The following DLG2 variants were observed in gnomAD, a reference collection of about 807,000 sequenced individuals.
DLG2 encodes the protein disks large homolog 2.
In DLG2, 45 loss-of-function variants were observed where a neutral mutation model predicts 132.5. The observed-to-expected ratio is 0.34, with a 90% CI of 0.27 to 0.44. DLG2 has a LOEUF of 0.44. Among genes scored for constraint, DLG2 ranks in the 20% least tolerant of loss-of-function variants. The pLI is 1.00. For missense variants in DLG2, 1,045 were observed against 1,196.9 expected, an observed-to-expected ratio of 0.87 and a Z score of 1.87; for synonymous variants, 424 against 419.6, an observed-to-expected ratio of 1.01 and a Z score of -0.13.
At chr11:84,325,151 T>C (rs1196640566) in intron 7 of DLG2, among the ~76,000 whole-genome samples, 1 of 152,168 alleles carries the variant, frequency 6.6e-6, no homozygotes, top group Admixed American at 6.6e-5. Context: ...TTAGGACTTT[T>C]CATATCTGAT....
chr11:84,015,065 A>G (rs1409678485), intron 11 of DLG2, among the ~76,000 whole-genome samples: 2 of 152,162 alleles, frequency 1.3e-5, no homozygotes, highest in African/African-American at 4.8e-5. Flanking sequence ...TTTGTAGAAT[A>G]GCATTCATTA....
At chr11:84,660,362 C>T (rs527602411) in intron 6 of DLG2, among the ~76,000 whole-genome samples, 13 of 152,154 alleles carry the variant, frequency 8.5e-5, no homozygotes, top group East Asian at 1.9e-4. Context: ...TTGACAATTC[C>T]GATATTTCAC....
At chr11:84,024,275 C>T (rs749425575) in intron 11 of DLG2, among the ~76,000 whole-genome samples, 12 of 152,164 alleles carry the variant, frequency 7.9e-5, no homozygotes, top group Non-Finnish European at 1.8e-4. Flanking sequence ...AAACACACAT[C>T]TAACTAAAGG....
chr11:84,675,467 T>G (rs937048711), intron 6 of DLG2, among the ~76,000 whole-genome samples: 2 of 152,062 alleles, frequency 1.3e-5, no homozygotes, highest in Non-Finnish European at 2.9e-5. Flanking sequence ...GTATAAAATT[T>G]CACAAGTGGA....
chr11:84,600,244 C>A (rs59069812), intron 6 of DLG2, among the ~76,000 whole-genome samples: 5 of 99,664 alleles, frequency 5.0e-5, no homozygotes, highest in African/African-American at 8.6e-5. Context: ...GACAGAAAAG[C>A]AAGCAAGCAA....
intron 4 of DLG2, among the ~76,000 whole-genome samples, chr11:85,195,523 G>GTTTTTT (rs34574453): frequency 7.5e-6 from 1 of 133,708 alleles, no homozygotes; most frequent in Non-Finnish European, 1.6e-5. Context: ...AAGTGACAGT[G>GTTTTTT]TTTTTTTTTT....
At chr11:84,551,795 G>T (rs1034665447) in intron 6 of DLG2, among the ~76,000 whole-genome samples, 8 of 152,098 alleles carry the variant, frequency 5.3e-5, no homozygotes, top group Non-Finnish European at 8.8e-5. Context: ...AAAAGCTAAG[G>T]TCTGTAAGCT....
In DLG2 at chr11:83,591,846, T is replaced by C. The variant is rs1458571617; in HGVS notation, c.1940+41365A>G. 9.2e-3 allele frequency among the ~76,000 whole-genome samples: 1,365 copies of C among 148,544 alleles called. 8 individuals carry two copies. Among genetic ancestry groups the C allele is most frequent in the African/African-American group, 0.032 (1,281 of 39,782 alleles). Reference sequence around the variant, plus strand: ...AATCACAAGCATTCTTATACACCAATAACAGACAAACAGAGAGCCAAATCA... The same window carrying C: ...AATCACAAGCATTCTTATACACCAACAACAGACAAACAGAGAGCCAAATCA... On this transcript the variant is annotated intron_variant, in intron 19 of 27. Transcript: ENST00000376104.
intron 4 of DLG2, among the ~76,000 whole-genome samples, chr11:85,170,095 CCAT>C (rs2078734578): frequency 6.6e-6 from 1 of 152,028 alleles, no homozygotes; most frequent in African/African-American, 2.4e-5. Context: ...TGGCAGCGAG[CCAT>C]CATAAGGAAA....
At chr11:84,994,047 G>T (rs2057397140) in intron 6 of DLG2, among the ~76,000 whole-genome samples, 1 of 152,024 alleles carries the variant, frequency 6.6e-6, no homozygotes, top group Non-Finnish European at 1.5e-5. Flanking sequence ...ATTAGAAAAA[G>T]AAATTAAAAA....
At chr11:83,814,207 C>T (rs1429283245) in intron 17 of DLG2, among the ~76,000 whole-genome samples, 1 of 152,098 alleles carries the variant, frequency 6.6e-6, no homozygotes, top group African/African-American at 2.4e-5. Flanking sequence ...AAGGCAAGTA[C>T]TGGCACATCA....
chr11:85,627,598 T>C (rs946382623), upstream of DLG2: 3 of 152,244 alleles, frequency 2.0e-5, no homozygotes, highest in Non-Finnish European at 4.4e-5. Context: ...GCATAAGCTA[T>C]GTAAACGGTC....
intron 15 of DLG2, among the ~76,000 whole-genome samples, chr11:83,924,835 G>C (rs970859217): frequency 1.3e-5 from 2 of 152,110 alleles, no homozygotes; most frequent in South Asian, 4.1e-4. Context: ...TATAAATGTG[G>C]ATTCTCTGAG....
chr11:83,910,695 T>TA (rs2075881975), intron 15 of DLG2, among the ~76,000 whole-genome samples: 2 of 152,122 alleles, frequency 1.3e-5, no homozygotes, highest in African/African-American at 2.4e-5. Flanking sequence ...TTTAAAAACT[T>TA]AAAAGATTAT....
chr11:85,118,670 T>C (rs1425186818), intron 5 of DLG2, among the ~76,000 whole-genome samples: 1 of 151,996 alleles, frequency 6.6e-6, no homozygotes, highest in Non-Finnish European at 1.5e-5. Context: ...ACATGCATTG[T>C]CAGCTCATTG....
At chr11:84,643,456 C>G (rs538285613) in intron 6 of DLG2, among the ~76,000 whole-genome samples, 1 of 152,300 alleles carries the variant, frequency 6.6e-6, no homozygotes, top group Non-Finnish European at 1.5e-5. Flanking sequence ...AGTTTCCTCA[C>G]CTGCAATACT....
At chr11:85,442,709 A>C (rs914551780) in intron 3 of DLG2, among the ~76,000 whole-genome samples, 1 of 152,048 alleles carries the variant, frequency 6.6e-6, no homozygotes, top group Non-Finnish European at 1.5e-5. Flanking sequence ...TAAATAAAAA[A>C]AAATAAAAAA....
rs528915322 is a variant in DLG2 at position 84,825,515 on chromosome 11, G to A, written c.357+286146C>T. ...AAAAGCAATTAAGTTCAGGAATGCC[G>A]TAAGCTGTGATAAAGTTGTATTTCT... On this transcript the variant is annotated intron_variant, in intron 6 of 27. Coordinates refer to ENST00000376104, the MANE Select transcript of DLG2 (RefSeq NM_001142699.3). Among the ~76,000 whole-genome samples the A allele has an allele frequency of 1.2e-4, 19 of 152,006 alleles. 1 individual carries two copies. The highest frequency in any genetic ancestry group is 1.1e-3 in the Admixed American group (17 of 15,264).
chr11:83,541,906 C>T (rs771180031), intron 19 of DLG2, 48 bp from the exon 20 acceptor site: 1 of 1,525,408 alleles, frequency 6.6e-7, no homozygotes, highest in Non-Finnish European at 8.8e-7. Flanking sequence ...TCTGGCAGCA[C>T]AGATTTAGGA....
Sources: allele counts gnomAD v4.1 joint callset (sites outside exome capture counted in the v4.1 genomes callset), GRCh38; gene constraint gnomAD v4.1.1; transcripts MANE v1.5; gene names NCBI Gene and HGNC (gene_info 2026-07-23, HGNC 2026-07-21).